The following CAST variants were observed in gnomAD, a reference collection of about 807,000 sequenced individuals.
The protein encoded by CAST is calpastatin, also known as MIR583 host.
CAST carries 76 observed loss-of-function variants against 119.6 expected under a neutral mutation model. That is an observed-to-expected ratio of 0.64 (90% CI 0.53 to 0.77). The LOEUF is 0.77. Among genes scored for constraint, CAST ranks in the 30% least tolerant of loss-of-function variants. CAST has a pLI of 0.00. For missense variants in CAST, 953 were observed against 946.5 expected, an observed-to-expected ratio of 1.01 and a Z score of -0.09; for synonymous variants, 319 against 331.6, an observed-to-expected ratio of 0.96 and a Z score of 0.41.
At chr5:96,276,665 G>A in the CAST span, among the ~76,000 whole-genome samples, 9 of 152,268 alleles carry the variant, frequency 5.9e-5, no homozygotes, top group South Asian at 2.1e-4. Flanking sequence ...ACAGATACTC[G>A]TGTATCCACC....
intron 3 of CAST, among the ~76,000 whole-genome samples, chr5:96,696,890 G>T (rs1753362423): frequency 6.6e-6 from 1 of 151,502 alleles, no homozygotes; most frequent in African/African-American, 2.4e-5. Context: ...TATAATGTTA[G>T]CTAGTAATTT....
the CAST span, among the ~76,000 whole-genome samples, chr5:96,281,302 C>G: frequency 3.3e-5 from 5 of 152,088 alleles, no homozygotes; most frequent in African/African-American, 1.2e-4. Context: ...TGACTTTAGG[C>G]GTGACTAGAT....
intron 1 of CAST, among the ~76,000 whole-genome samples, chr5:96,636,749 T>G (rs1216046028): frequency 6.6e-6 from 1 of 152,190 alleles, no homozygotes; most frequent in African/African-American, 2.4e-5. Flanking sequence ...CAGTGGTGGC[T>G]GTGGCTGGTG....
chr5:96,234,239 T>C, the CAST span, among the ~76,000 whole-genome samples: 15 of 152,336 alleles, frequency 9.8e-5, no homozygotes, highest in African/African-American at 3.4e-4. Flanking sequence ...AGCATTAGTC[T>C]TAAAATGTAT....
At chr5:96,516,011 G>A in the CAST span, among the ~76,000 whole-genome samples, 1 of 31,102 alleles carries the variant, frequency 3.2e-5, no homozygotes, top group African/African-American at 1.1e-4. Flanking sequence ...TCACCTTATA[G>A]CCCTTGACCA....
the CAST span, among the ~76,000 whole-genome samples, chr5:96,187,521 C>T: frequency 6.6e-6 from 1 of 152,148 alleles, no homozygotes; most frequent in African/African-American, 2.4e-5. Context: ...TTAGCTGTGT[C>T]GCAGGGATTC....
At chr5:96,713,307 ATTT>A (rs954243559) in intron 3 of CAST, among the ~76,000 whole-genome samples, 9 of 151,732 alleles carry the variant, frequency 5.9e-5, no homozygotes, top group African/African-American at 2.2e-4. Context: ...AACTTTCTGT[ATTT>A]TTAGTAGAGA....
the CAST span, among the ~76,000 whole-genome samples, chr5:96,079,761 G>GTTT: frequency 6.6e-6 from 1 of 151,836 alleles, no homozygotes; most frequent in Non-Finnish European, 1.5e-5. Flanking sequence ...TATACATCTT[G>GTTT]GTTATTATTA....
intron 1 of CAST, among the ~76,000 whole-genome samples, chr5:96,609,499 G>A (rs1747321343): frequency 6.6e-6 from 1 of 152,168 alleles, no homozygotes; most frequent in Admixed American, 6.5e-5. Flanking sequence ...GGTGGGGTCT[G>A]ATATTCTGCA....
At chr5:96,395,147 T>C in the CAST span, 1 of 843,042 alleles carries the variant, frequency 1.2e-6, no homozygotes, top group Non-Finnish European at 2.0e-6. Context: ...GCATTTCATG[T>C]GAAAGAAACC....
At chr5:95,975,682 G>T in the CAST span, among the ~76,000 whole-genome samples, 1 of 152,132 alleles carries the variant, frequency 6.6e-6, no homozygotes, top group African/African-American at 2.4e-5. Context: ...AGTATAAATA[G>T]ACTTAAGTTA....
intron 3 of CAST, among the ~76,000 whole-genome samples, chr5:96,705,300 C>T (rs968772818): frequency 1.9e-4 from 28 of 149,452 alleles, no homozygotes; most frequent in Admixed American, 1.7e-3. Flanking sequence ...CCTGACACAG[C>T]GATGAGACTC....
At chr5:96,193,557 G>T in the CAST span, among the ~76,000 whole-genome samples, 1 of 152,184 alleles carries the variant, frequency 6.6e-6, no homozygotes. Flanking sequence ...GATTCAATGT[G>T]TTGTATGGCA....
the CAST span, among the ~76,000 whole-genome samples, chr5:96,361,548 C>T: frequency 5.9e-5 from 9 of 152,332 alleles, no homozygotes; most frequent in South Asian, 4.1e-4. Context: ...CTGTTCCTCA[C>T]GGCATGGTCC....
intron 1 of CAST, among the ~76,000 whole-genome samples, chr5:96,563,387 A>G (rs935411840): frequency 2.6e-5 from 4 of 152,232 alleles, no homozygotes; most frequent in African/African-American, 4.8e-5. Context: ...CTTCCCCTAC[A>G]TATGTACAAA....
the CAST span, among the ~76,000 whole-genome samples, chr5:96,326,680 G>A: frequency 6.7e-6 from 1 of 149,234 alleles, no homozygotes; most frequent in African/African-American, 2.5e-5. Flanking sequence ...TCAAAGGCAG[G>A]AACTATGGCT....
chr5:96,131,188 C>T, the CAST span, among the ~76,000 whole-genome samples: 12 of 151,936 alleles, frequency 7.9e-5, no homozygotes, highest in Non-Finnish European at 1.6e-4. Context: ...TGTAAAATAT[C>T]ATGCAGTTAC....
chr5:96,036,810 A>G, the CAST span, among the ~76,000 whole-genome samples: 4 of 152,158 alleles, frequency 2.6e-5, no homozygotes. Flanking sequence ...ACTTATGTTC[A>G]TTATCCCAAG....
the CAST span, among the ~76,000 whole-genome samples, chr5:95,977,333 TG>T: frequency 6.6e-6 from 1 of 152,258 alleles, no homozygotes; most frequent in Non-Finnish European, 1.5e-5. Flanking sequence ...CAAGCCATTT[TG>T]TAAGGTCTCT....
Sources: gnomAD v4.1 joint callset for allele counts (sites outside exome capture counted in the v4.1 genomes callset) on GRCh38, gnomAD v4.1.1 for gene constraint, MANE v1.5 for transcripts, NCBI Gene and HGNC (gene_info 2026-07-23, HGNC 2026-07-21) for gene names.